Variants in ATP2B1 observed in about 807,000 individuals in gnomAD.
ATP2B1 encodes the protein plasma membrane calcium-transporting ATPase 1.
A neutral mutation model predicts 124.2 loss-of-function variants in ATP2B1; 14 were observed. That is an observed-to-expected ratio of 0.11 (90% CI 0.07 to 0.18). The LOEUF (loss-of-function observed/expected upper bound fraction) is 0.18, where lower values mean the gene tolerates loss of function less well. Ranked by LOEUF, ATP2B1 falls within the 10% of genes least tolerant of loss-of-function variation. The pLI is 1.00. For synonymous variants in ATP2B1, 449 were observed against 492.4 expected (o/e 0.91, Z 1.17); for missense variants, 763 against 1,466.1 (o/e 0.52, Z 7.83).
chr12:89,646,626 C>G (rs987283043), intron 2 of ATP2B1, among the ~76,000 whole-genome samples: 1 of 152,176 alleles, frequency 6.6e-6, no homozygotes, highest in Non-Finnish European at 1.5e-5. Flanking sequence ...GAGAATGGAA[C>G]ACTTTCTTTC....
At chr12:89,705,144 A>C (rs906063954) in intron 1 of ATP2B1, among the ~76,000 whole-genome samples, 1 of 152,156 alleles carries the variant, frequency 6.6e-6, no homozygotes, top group African/African-American at 2.4e-5. Context: ...TGGTATGTAT[A>C]GATAACATTT....
At chr12:89,650,132 C>T (rs937759120) in intron 2 of ATP2B1, among the ~76,000 whole-genome samples, 4 of 152,132 alleles carry the variant, frequency 2.6e-5, no homozygotes, top group South Asian at 2.1e-4. Flanking sequence ...AGTGCGCAAA[C>T]GGAGTAACAC....
chr12:89,684,238 T>C (rs1388288363), intron 1 of ATP2B1, among the ~76,000 whole-genome samples: 1 of 152,208 alleles, frequency 6.6e-6, no homozygotes, highest in East Asian at 1.9e-4. Flanking sequence ...AAGGACTGAC[T>C]GTACATTTTT....
chr12:89,642,527 G>C (rs1013846092), intron 2 of ATP2B1, among the ~76,000 whole-genome samples, 172 bp from the exon 3 acceptor site: 2 of 152,120 alleles, frequency 1.3e-5, no homozygotes, highest in Non-Finnish European at 2.9e-5. Context: ...GTCTTTAAAA[G>C]AACACTTTAA....
At chr12:89,657,002 A>G (rs942395578) in intron 1 of ATP2B1, among the ~76,000 whole-genome samples, 1 of 152,178 alleles carries the variant, frequency 6.6e-6, no homozygotes, top group African/African-American at 2.4e-5. Flanking sequence ...TTATTTCTTC[A>G]TCATACTTTC....
chr12:89,699,869 C>T (rs550641073), intron 1 of ATP2B1, among the ~76,000 whole-genome samples: 148 of 152,086 alleles, frequency 9.7e-4, no homozygotes, highest in Non-Finnish European at 1.7e-3. Context: ...GAGACAGAGA[C>T]GGTCTCCCTC....
intron 3 of ATP2B1, among the ~76,000 whole-genome samples, chr12:89,639,828 G>A (rs2136225926): frequency 6.6e-6 from 1 of 152,132 alleles, no homozygotes; most frequent in Middle Eastern, 3.4e-3. Context: ...GATTTGTCCT[G>A]GACCTTGCTG....
At chr12:89,601,268 C>G (rs1875789341) in intron 19 of ATP2B1, 58 bp downstream of exon 19, 4 of 1,201,128 alleles carry the variant, frequency 3.3e-6, no homozygotes, top group African/African-American at 1.6e-5. Flanking sequence ...AAAATACACA[C>G]TAGAAATTAA....
intron 15 of ATP2B1, among the ~76,000 whole-genome samples, chr12:89,606,572 CTTTTT>C (rs11390166): frequency 7.7e-6 from 1 of 129,102 alleles, no homozygotes. Context: ...TAATGTCCCA[CTTTTT>C]TTTTTTTTTT....
At position 89,701,830 on chromosome 12, in the gene ATP2B1, C is replaced by T. The variant is rs144097709; in HGVS notation, c.-222+6766G>A. Among the ~76,000 whole-genome samples, 242 of 152,206 alleles carry T rather than the reference C, an allele frequency of 1.6e-3. 1 individual carries two copies. The highest frequency in any genetic ancestry group is 1.9e-3 in the Non-Finnish European group (129 of 68,004). ...CCAAAGTGCTAGGACTTATAGGCAT[C>T]AAGCACAGCATCTGGCCCCTAAGGG... On this transcript the variant is annotated intron_variant, in intron 1 of 20. Transcript: ENST00000428670.
Position 89,603,583 on chromosome 12 carries a change from A to C in ATP2B1, c.2848+129T>G, listed in dbSNP as rs559613167. 551 of 941,084 alleles carry C rather than the reference A, an allele frequency of 5.9e-4. 9 individuals are homozygous for C. The South Asian group carries it at 6.8e-3, about 12-fold the overall frequency. The allele number at this position is 941,084 out of a possible 1,614,324, so 58.3% of individuals were successfully genotyped here. A position where few individuals can be genotyped will look rare whatever the true frequency, so the allele number is the denominator to read the frequency against. ...ACTAAGCACTCACTGATTAAGAAGAAATTAAAGATAAATGGGAAGTCAGGA... is the reference window on the plus strand; with the variant it reads ...ACTAAGCACTCACTGATTAAGAAGACATTAAAGATAAATGGGAAGTCAGGA... On this transcript the variant is annotated intron_variant, in intron 17 of 20. Transcript: ENST00000428670. This position sits in a 1 kb window ranked among gnomAD's most constrained non-coding sequence, Gnocchi z 4.3.
At chr12:89,642,035 T>C (rs1443044458) in intron 3 of ATP2B1, 123 bp downstream of exon 3, 9 of 961,850 alleles carry the variant, frequency 9.4e-6, no homozygotes, top group African/African-American at 1.7e-5. Context: ...TTAAGGTACT[T>C]AGAACAGTGC....
At chr12:89,607,041 G>A (rs935118359) in intron 15 of ATP2B1, among the ~76,000 whole-genome samples, 1 of 152,134 alleles carries the variant, frequency 6.6e-6, no homozygotes, top group African/African-American at 2.4e-5. Flanking sequence ...CTAGTTCTAT[G>A]ATGAAACAAG....
chr12:89,678,361 T>G (rs1437726323), intron 1 of ATP2B1, among the ~76,000 whole-genome samples: 1 of 152,118 alleles, frequency 6.6e-6, no homozygotes, highest in East Asian at 1.9e-4. Flanking sequence ...AACCTGTCAG[T>G]GAGTGACATT....
intron 1 of ATP2B1, among the ~76,000 whole-genome samples, chr12:89,697,670 CTTTTTTT>C (rs56837729): frequency 6.1e-5 from 8 of 131,334 alleles, no homozygotes; most frequent in African/African-American, 2.0e-4. Context: ...ATCCAAAAGG[CTTTTTTT>C]TTTTTTTTTT....
At chr12:89,634,924 T>C (rs1214032607) in intron 4 of ATP2B1, 21 bp from the exon 5 acceptor site, 1 of 1,610,942 alleles carries the variant, frequency 6.2e-7, no homozygotes, top group African/African-American at 1.3e-5. Context: ...AAGCATGATA[T>C]ACTAAACTTA....
chr12:89,637,756 A>G (rs2136212273), intron 3 of ATP2B1, among the ~76,000 whole-genome samples: 1 of 152,254 alleles, frequency 6.6e-6, no homozygotes, highest in East Asian at 1.9e-4. Context: ...CAAATTATAT[A>G]GTTATAAATA....
intron 1 of ATP2B1, among the ~76,000 whole-genome samples, chr12:89,680,769 A>G (rs1889241189): frequency 6.6e-6 from 1 of 152,138 alleles, no homozygotes; most frequent in South Asian, 2.1e-4. Flanking sequence ...ACCTAGAACA[A>G]TCTACTTCAA....
intron 1 of ATP2B1, among the ~76,000 whole-genome samples, chr12:89,707,215 T>C (rs1264705466): frequency 6.6e-6 from 1 of 152,062 alleles, no homozygotes; most frequent in Non-Finnish European, 1.5e-5. Context: ...TCGGGGCAAG[T>C]GGTGAAGGCC....
Sources: allele counts gnomAD v4.1 joint callset (sites outside exome capture counted in the v4.1 genomes callset), GRCh38; gene constraint gnomAD v4.1.1; non-coding constraint Gnocchi (gnomAD v3.1); transcripts MANE v1.5; gene names NCBI Gene and HGNC (gene_info 2026-07-23, HGNC 2026-07-21).